The following CEP164 variants were observed in gnomAD, a reference collection of about 807,000 sequenced individuals.
CEP164 encodes the protein centrosomal protein 164.
Under a neutral mutation model 182.7 loss-of-function variants are expected in CEP164, and 162 were observed. The observed-to-expected ratio is 0.89, with a 90% CI of 0.78 to 1.01. The LOEUF is 1.01. CEP164 is among the 50% of genes least tolerant of loss of function. The pLI, the probability that CEP164 is intolerant of heterozygous loss-of-function variation, is 0.00. For synonymous variants in CEP164, 661 were observed against 690.0 expected (o/e 0.96, Z 0.66); for missense variants, 1,735 against 1,790.4 (o/e 0.97, Z 0.56).
chr11:117,359,747 C>T (rs1313231043), intron 5 of CEP164, among the ~76,000 whole-genome samples: 1 of 152,150 alleles, frequency 6.6e-6, no homozygotes, highest in Non-Finnish European at 1.5e-5. Flanking sequence ...TCTGATAAGC[C>T]TAAATTATTG....
chr11:117,392,480 G>A lies in CEP164; in HGVS notation c.2362-16G>A, dbSNP rs758366039. The A allele has an allele frequency of 3.1e-6, 5 of 1,610,472 alleles. No individual in the cohort carries two copies. In the African/African-American group the frequency reaches 5.3e-5, roughly 17 times the overall value. ...CTGAGGGTCACACTCCCCTGTGTGT[G>A]CGGGGGCCTCCTCAGGTGGTCTCCA... On this transcript the variant is annotated splice_polypyrimidine_tract_variant and intron_variant, in intron 18 of 32. Coordinates refer to ENST00000278935, the MANE Select transcript of CEP164 (RefSeq NM_014956.5).
chr11:117,367,517 C>T (rs1489783737), intron 8 of CEP164, among the ~76,000 whole-genome samples: 4 of 152,178 alleles, frequency 2.6e-5, no homozygotes, highest in Admixed American at 6.5e-5. Context: ...ATGGGAATCT[C>T]TCTCTTTTTA....
chr11:117,336,912 C>G (rs620848), intron 2 of CEP164, among the ~76,000 whole-genome samples: 38,703 of 151,474 alleles, frequency 0.26, 5,078 homozygotes, highest in Admixed American at 0.31. Flanking sequence ...CAGGCGACTT[C>G]CTTCATCAGG....
At chr11:117,339,232 A>G (rs2037693608) in intron 3 of CEP164, among the ~76,000 whole-genome samples, 1 of 152,184 alleles carries the variant, frequency 6.6e-6, no homozygotes, top group African/African-American at 2.4e-5. Flanking sequence ...TAAGAGAGGT[A>G]TATGACCCAC....
intron 14 of CEP164, among the ~76,000 whole-genome samples, chr11:117,383,147 TG>T (rs775278322): frequency 5.3e-5 from 8 of 152,304 alleles, no homozygotes; most frequent in Non-Finnish European, 1.0e-4. Flanking sequence ...GGGTTAGCTT[TG>T]GTCTCTGGGG....
intron 18 of CEP164, 75 bp downstream of exon 18, chr11:117,392,378 G>A (rs1333624724): frequency 5.7e-6 from 9 of 1,567,814 alleles, no homozygotes; most frequent in Middle Eastern, 1.7e-4. Context: ...ACTAGGCAGC[G>A]AGCCTCTCTC....
At chr11:117,387,130 T>C (rs1324269341) in intron 14 of CEP164, 73 bp from the exon 15 acceptor site, 1 of 1,324,134 alleles carries the variant, frequency 7.6e-7, no homozygotes, top group Non-Finnish European at 1.1e-6. Context: ...ATGTTCCGTA[T>C]CCATTCTAAC....
chr11:117,395,581 C>T lies in CEP164; in HGVS notation c.2948C>T (p.Ala983Val). 6.2e-7 allele frequency: 1 copy of T among 1,613,438 alleles called. No homozygotes were observed. The highest frequency in any genetic ancestry group is 8.5e-7 in the Non-Finnish European group (1 of 1,179,682). Residue 983 changes from alanine to valine, a missense_variant, in exon 24 of 33, where the codon GCA becomes GTA. Transcript: ENST00000278935. The part of the protein sequence containing the change: ...ATATHQQLEE[A>V]QKEHTHLLQS... The stretch of plus-strand genomic sequence containing the variant: ...GCCACCCATCAGCAGCTGGAGGAGG[C>T]ACAGAAGGAGCACACCCACCTGTTG...
At chr11:117,368,458 G>A (rs1057111951) in intron 8 of CEP164, among the ~76,000 whole-genome samples, 1 of 152,180 alleles carries the variant, frequency 6.6e-6, no homozygotes, top group Non-Finnish European at 1.5e-5. Flanking sequence ...CCTGAAGGCA[G>A]TAGGGACTAT....
At chr11:117,354,763 T>C (rs2040111307) in intron 5 of CEP164, among the ~76,000 whole-genome samples, 1 of 144,926 alleles carries the variant, frequency 6.9e-6, no homozygotes, top group Non-Finnish European at 1.5e-5. Flanking sequence ...TTTTTGCTAT[T>C]GATTTTATTT....
intron 13 of CEP164, 188 bp from the exon 14 acceptor site, chr11:117,382,608 C>CTAGT (rs2043456415): frequency 1.6e-6 from 1 of 637,326 alleles, no homozygotes; most frequent in Non-Finnish European, 2.7e-6. Flanking sequence ...GCAGGAGTCT[C>CTAGT]TAGTCTTTGA....
At chr11:117,380,008 G>A (rs1031498394) in intron 11 of CEP164, among the ~76,000 whole-genome samples, 1 of 151,964 alleles carries the variant, frequency 6.6e-6, no homozygotes, top group Non-Finnish European at 1.5e-5. Context: ...TGGGGCCAGG[G>A]TGCTTGCGGG....
At chr11:117,331,050 A>C (rs1339109551) in intron 1 of CEP164, among the ~76,000 whole-genome samples, 2 of 152,232 alleles carry the variant, frequency 1.3e-5, no homozygotes, top group Non-Finnish European at 2.9e-5. Flanking sequence ...TTCTGTGGTC[A>C]ACCTTCTTTG....
Position 117,409,634 on chromosome 11 carries a change from T to A in CEP164, c.3765T>A (p.Ser1255Arg), listed in dbSNP as rs757544017. 1 of 1,606,924 alleles carries A rather than the reference T, an allele frequency of 6.2e-7. No homozygotes were observed. Among genetic ancestry groups the A allele is most frequent in the Non-Finnish European group, 8.5e-7 (1 of 1,174,438 alleles). ...TTCTTTCAGTCGACTCAACCCCGAG[T>A]CTCACCTCCCGCAAGATCCACGGGC... ...WRQQRIDSTP[S>R]LTSRKIHGLS... Residue 1255 changes from serine (S) to arginine (R), a missense_variant, in exon 30 of 33, where the codon AGT (serine) becomes AGA (arginine). By Grantham distance (110) the Ser-to-Arg change is moderately radical. Transcript: ENST00000278935. The surrounding 1 kb of genome is among the most constrained non-coding windows in gnomAD (Gnocchi z 4.4).
intron 1 of CEP164, among the ~76,000 whole-genome samples, chr11:117,331,985 T>C (rs2036289097): frequency 6.7e-6 from 1 of 148,164 alleles, no homozygotes; most frequent in Admixed American, 6.8e-5. Context: ...CTGGCTAATA[T>C]ATATATATAT....
chr11:117,337,050 C>T (rs1265672757), intron 2 of CEP164, among the ~76,000 whole-genome samples: 1 of 152,108 alleles, frequency 6.6e-6, no homozygotes, highest in African/African-American at 2.4e-5. Flanking sequence ...CGCCCCATCC[C>T]TGGAGCTAGA....
Position 117,390,878 on chromosome 11 carries a change from C to T in CEP164, c.2036C>T (p.Ser679Phe). The change falls in exon 16 of 33, where the codon TCC becomes TTC. Residue 679 changes from serine to phenylalanine, a missense_variant. Ser to Phe is a radical substitution (Grantham distance 155, BLOSUM62 -2). Coordinates refer to ENST00000278935, the MANE Select transcript of CEP164 (RefSeq NM_014956.5). ...RLSWLRAQVQ[S>F]STQADEDQIR... ...TCCTGGCTCCGAGCTCAGGTCCAGT[C>T]CAGCACACAAGCAGATGAGGACCAA... 1 of 1,613,778 alleles carries T rather than the reference C, an allele frequency of 6.2e-7. No individual in the cohort carries two copies. The highest frequency in any genetic ancestry group is 8.5e-7 in the Non-Finnish European group (1 of 1,180,006).
At chr11:117,380,741 C>T (rs761260128) in intron 12 of CEP164, 36 bp downstream of exon 12, 101 of 1,553,856 alleles carry the variant, frequency 6.5e-5, no homozygotes, top group Non-Finnish European at 8.5e-5. Flanking sequence ...AGCGCTGTGC[C>T]TTCAGGGTGG....
rs114175531 is a variant in CEP164 at position 117,412,230 on chromosome 11, A to G, written c.*62A>G. ...CTCCACCCAGACCAAGTGCCTGAGGAGCTGCCTGCCTTCTTCCATCTGAGA... is the reference window on the plus strand; with the variant it reads ...CTCCACCCAGACCAAGTGCCTGAGGGGCTGCCTGCCTTCTTCCATCTGAGA... On this transcript the variant is annotated 3_prime_UTR_variant, in exon 33 of 33. Coordinates refer to ENST00000278935, the MANE Select transcript of CEP164 (RefSeq NM_014956.5). 2.1e-6 allele frequency: 3 copies of G among 1,457,926 alleles called. No homozygotes were observed. The highest frequency in any genetic ancestry group is 1.4e-5 in the African/African-American group (1 of 70,886). The allele number at this position is 1,457,926 out of a possible 1,614,324, so 90.3% of individuals were successfully genotyped here.
Sources: gnomAD v4.1 joint callset for allele counts (sites outside exome capture counted in the v4.1 genomes callset) on GRCh38, gnomAD v4.1.1 for gene constraint, Gnocchi (gnomAD v3.1) non-coding constraint, MANE v1.5 for transcripts, NCBI Gene and HGNC (gene_info 2026-07-23, HGNC 2026-07-21) for gene names.